ZNF532: variants seen among roughly 807,000 people sequenced by gnomAD.
The protein encoded by ZNF532 is zinc finger protein 532.
Under a neutral mutation model 89.3 loss-of-function variants are expected in ZNF532, and 22 were observed. The observed-to-expected ratio is 0.25, with a 90% CI of 0.18 to 0.35. ZNF532 has a LOEUF of 0.35. Ranked by LOEUF, ZNF532 falls within the 10% of genes least tolerant of loss-of-function variation. ZNF532 has a pLI of 1.00. For missense variants in ZNF532, 1,132 were observed against 1,643.4 expected, an observed-to-expected ratio of 0.69 and a Z score of 5.38; for synonymous variants, 606 against 649.6, an observed-to-expected ratio of 0.93 and a Z score of 1.02.
At chr18:58,902,288 A>T (rs1213218085) in intron 2 of ZNF532, among the ~76,000 whole-genome samples, 8 of 152,090 alleles carry the variant, frequency 5.3e-5, no homozygotes, top group African/African-American at 1.9e-4. Flanking sequence ...GGGAAGACAC[A>T]AGTCTCAAAG....
At chr18:58,947,729 TA>T (rs143986556) in intron 5 of ZNF532, among the ~76,000 whole-genome samples, 4 of 151,448 alleles carry the variant, frequency 2.6e-5, no homozygotes, top group South Asian at 2.1e-4. Context: ...AAAAAATCTT[TA>T]AAAAAAAAGG....
At chr18:58,893,726 A>G (rs1415882428) in intron 2 of ZNF532, among the ~76,000 whole-genome samples, 1 of 151,908 alleles carries the variant, frequency 6.6e-6, no homozygotes, top group Non-Finnish European at 1.5e-5. Flanking sequence ...CATGCTTATT[A>G]TATTGATCTG....
chr18:58,942,403 CTTCCT>C (rs1366291806), intron 5 of ZNF532, among the ~76,000 whole-genome samples: 4 of 139,852 alleles, frequency 2.9e-5, no homozygotes, highest in Non-Finnish European at 6.1e-5. Flanking sequence ...TCCTTCCTTC[CTTCCT>C]AAGTGCAAGC....
chr18:58,962,158 G>T (rs1404401694), intron 7 of ZNF532, among the ~76,000 whole-genome samples: 1 of 152,002 alleles, frequency 6.6e-6, no homozygotes, highest in Non-Finnish European at 1.5e-5. Context: ...CCCGGGAGGT[G>T]AAGGTTGCGG....
chr18:58,906,555 G>T (rs2059948800), intron 2 of ZNF532, among the ~76,000 whole-genome samples: 1 of 152,130 alleles, frequency 6.6e-6, no homozygotes, highest in African/African-American at 2.4e-5. Flanking sequence ...GCTTCGTTCA[G>T]TGGAGAATGG....
At chr18:58,931,783 A>G (rs2061985306) in intron 3 of ZNF532, 1 of 151,896 alleles carries the variant, frequency 6.6e-6, no homozygotes. Context: ...CAAAAAAAAA[A>G]AAGAACATTG....
intron 5 of ZNF532, among the ~76,000 whole-genome samples, chr18:58,947,437 T>A (rs2063761665): frequency 6.6e-6 from 1 of 152,238 alleles, no homozygotes; most frequent in South Asian, 2.1e-4. Context: ...AGGAGACAAG[T>A]GAATATTTTA....
intron 2 of ZNF532, among the ~76,000 whole-genome samples, chr18:58,895,421 A>G (rs1035282638): frequency 6.6e-6 from 1 of 152,226 alleles, no homozygotes; most frequent in Non-Finnish European, 1.5e-5. Context: ...TAATATATTA[A>G]AGCTCTCAAA....
chr18:58,893,745 G>A (rs2059065737), intron 2 of ZNF532, among the ~76,000 whole-genome samples: 1 of 152,048 alleles, frequency 6.6e-6, no homozygotes, highest in Non-Finnish European at 1.5e-5. Flanking sequence ...TGTTAGGACT[G>A]CTTAAGAGCT....
At chr18:58,884,679 C>T (rs1472075458) in intron 2 of ZNF532, among the ~76,000 whole-genome samples, 3 of 152,150 alleles carry the variant, frequency 2.0e-5, no homozygotes, top group East Asian at 3.8e-4. Context: ...ATGAGTTTTC[C>T]TCCCAAACCA....
intron 7 of ZNF532, chr18:58,964,275 G>A (rs553283953): frequency 6.6e-6 from 1 of 152,230 alleles, no homozygotes; most frequent in South Asian, 2.1e-4. Flanking sequence ...TAAAAAACCA[G>A]TTTCTCCTAT....
intron 6 of ZNF532, among the ~76,000 whole-genome samples, chr18:58,951,646 G>GTTTTTTTTT (rs3039758): frequency 1.4e-5 from 1 of 72,592 alleles, no homozygotes; most frequent in Non-Finnish European, 2.4e-5. Context: ...TCGCCCTGTT[G>GTTTTTTTTT]TTTTTTTTTT....
intron 7 of ZNF532, among the ~76,000 whole-genome samples, chr18:58,961,108 G>A (rs891727629): frequency 6.6e-6 from 1 of 152,148 alleles, no homozygotes; most frequent in Non-Finnish European, 1.5e-5. Context: ...ATTGGAGTGT[G>A]CGTCAGAATT....
At chr18:58,870,193 G>C (rs1420013884) in intron 2 of ZNF532, among the ~76,000 whole-genome samples, 2 of 151,850 alleles carry the variant, frequency 1.3e-5, no homozygotes, top group African/African-American at 2.4e-5. Flanking sequence ...TTAACCTGGG[G>C]ATTGCCTTGT....
At chr18:58,915,213 G>T (rs1175003581) in intron 2 of ZNF532, among the ~76,000 whole-genome samples, 1 of 152,186 alleles carries the variant, frequency 6.6e-6, no homozygotes, top group African/African-American at 2.4e-5. Context: ...GTGATCTCGG[G>T]TTTCAGACGA....
intron 2 of ZNF532, among the ~76,000 whole-genome samples, chr18:58,903,636 T>G (rs1019363461): frequency 6.6e-6 from 1 of 152,078 alleles, no homozygotes; most frequent in Admixed American, 6.6e-5. Flanking sequence ...GGTGAAATTC[T>G]TAGTTTGAGA....
chr18:58,907,859 A>G (rs750283793), intron 2 of ZNF532, among the ~76,000 whole-genome samples: 4 of 152,134 alleles, frequency 2.6e-5, no homozygotes, highest in Non-Finnish European at 5.9e-5. Flanking sequence ...CCTTCCCCAT[A>G]AAGATGATGC....
At chr18:58,877,944 A>G (rs2049398910) in intron 2 of ZNF532, among the ~76,000 whole-genome samples, 2 of 121,024 alleles carry the variant, frequency 1.7e-5, no homozygotes, top group South Asian at 5.9e-4. Context: ...GAGTCAGGGT[A>G]AGTTAAAGAG....
chr18:58,970,842 C>A (rs1280213768), intron 7 of ZNF532, among the ~76,000 whole-genome samples: 3 of 152,186 alleles, frequency 2.0e-5, no homozygotes, highest in African/African-American at 7.2e-5. Flanking sequence ...CAGGCATGTA[C>A]CCCTGGTAGC....
Sources: gnomAD v4.1 joint callset for allele counts (sites outside exome capture counted in the v4.1 genomes callset) on GRCh38, gnomAD v4.1.1 for gene constraint, MANE v1.5 for transcripts, NCBI Gene and HGNC (gene_info 2026-07-23, HGNC 2026-07-21) for gene names.